ZNF582: variants seen among roughly 807,000 people sequenced by gnomAD.
ZNF582 encodes the protein zinc finger protein 582.
ZNF582 carries 14 observed loss-of-function variants against 12.3 expected under a neutral mutation model. The ratio of observed to expected loss-of-function variants is 1.14; its 90% CI spans 0.75 to 1.78. The LOEUF is 1.78. Among genes scored for constraint, ZNF582 ranks in the 40% most tolerant of loss-of-function variants. The probability of loss-of-function intolerance (pLI) is 0.00; values close to 1 mark genes in which losing one functional copy is unlikely to be tolerated. For synonymous variants in ZNF582, 210 were observed against 207.2 expected, an observed-to-expected ratio of 1.01 and a Z score of -0.11; for missense variants, 567 against 616.5, an observed-to-expected ratio of 0.92 and a Z score of 0.85.
At chr19:56,390,705 A>T (rs1776556521) in intron 2 of ZNF582, among the ~76,000 whole-genome samples, 1 of 152,204 alleles carries the variant, frequency 6.6e-6, no homozygotes, top group African/African-American at 2.4e-5. Context: ...ACTGCAAATC[A>T]ATGCTCTGTG....
intron 4 of ZNF582, among the ~76,000 whole-genome samples, chr19:56,389,064 T>C (rs2041994436): frequency 6.6e-6 from 1 of 152,224 alleles, no homozygotes; most frequent in Non-Finnish European, 1.5e-5. Context: ...ACACCTTCCA[T>C]GTCTCAGCTG....
In ZNF582 at chr19:56,384,103, CAATT is replaced by C; in HGVS notation, c.1310_1313del (p.Gln437ArgfsTer23). The C allele has an allele frequency of 1.2e-6, 2 of 1,611,862 alleles. No homozygotes were observed. The highest frequency in any genetic ancestry group is 1.7e-6 in the Non-Finnish European group (2 of 1,179,026). ...CAGTGTGAATAACCTGATGATGAAT[CAATT>C]GTGAGCAATGACTAAAAGCCTTCCC... On this transcript the variant is annotated frameshift_variant, in exon 5 of 5. Coordinates refer to ENST00000586929, the Ensembl canonical transcript of ZNF582. LOFTEE classifies it low-confidence loss of function (END_TRUNC).
At chr19:56,391,354 C>G (rs931246109) in intron 2 of ZNF582, among the ~76,000 whole-genome samples, 1 of 152,198 alleles carries the variant, frequency 6.6e-6, no homozygotes, top group Non-Finnish European at 1.5e-5. Flanking sequence ...ATTACATATC[C>G]AATCATTAAT....
chr19:56,384,623 C>T, exon 5 of ZNF582: 3 of 1,614,102 alleles, frequency 1.9e-6, no homozygotes, highest in Non-Finnish European at 2.5e-6. Flanking sequence ...TGAGCTTCGA[C>T]TAAAGGCCTT....
chr19:56,388,917 C>T (rs557746348), intron 4 of ZNF582, among the ~76,000 whole-genome samples: 3 of 152,264 alleles, frequency 2.0e-5, no homozygotes, highest in Admixed American at 6.5e-5. Flanking sequence ...ATGCCCGGCC[C>T]CTAGTGTATC....
At chr19:56,393,485 G>A (rs758020613) in exon 1 of ZNF582, 3 of 511,254 alleles carry the variant, frequency 5.9e-6, no homozygotes, top group South Asian at 2.9e-5. Flanking sequence ...CCGCGCCCCC[G>A]GCAGCCCAGG....
chr19:56,393,353 T>C, exon 1 of ZNF582: 1 of 988,846 alleles, frequency 1.0e-6, no homozygotes, highest in Non-Finnish European at 1.4e-6. Flanking sequence ...GCGAGACGTC[T>C]GCGTTCTTCT....
intron 1 of ZNF582, 134 bp downstream of exon 1, chr19:56,393,086 T>A (rs2042029812): frequency 1.4e-6 from 1 of 696,776 alleles, no homozygotes; most frequent in African/African-American, 1.9e-5. Context: ...TTCTAAGTCT[T>A]CTGGGGTCTT....
intron 4 of ZNF582, among the ~76,000 whole-genome samples, chr19:56,385,633 C>T (rs1389588984): frequency 2.7e-5 from 4 of 149,822 alleles, no homozygotes; most frequent in Admixed American, 6.6e-5. Flanking sequence ...GCTATGATCA[C>T]GCCAATGCAC....
At chr19:56,393,258 A>T (rs761725356) in exon 1 of ZNF582, 3 of 1,245,982 alleles carry the variant, frequency 2.4e-6, no homozygotes, top group Non-Finnish European at 3.1e-6. Context: ...GGCTGGAAGC[A>T]GAAAGGGGGC....
At chr19:56,391,959 G>T in intron 1 of ZNF582, 127 bp from the exon 2 acceptor site, 1 of 734,356 alleles carries the variant, frequency 1.4e-6, no homozygotes, top group Non-Finnish European at 2.2e-6. Flanking sequence ...GAGGCAAAGG[G>T]ATCCTCACCC....
chr19:56,390,527 ATATG>A (rs746832086), intron 2 of ZNF582, 26 bp from the exon 3 acceptor site: 14 of 1,613,180 alleles, frequency 8.7e-6, no homozygotes, highest in African/African-American at 1.3e-5. Flanking sequence ...TGTATGATAT[ATATG>A]TATTTCAATG....
chr19:56,384,865 T>A, exon 5 of ZNF582: 2 of 1,610,390 alleles, frequency 1.2e-6, no homozygotes, highest in Non-Finnish European at 1.7e-6. Flanking sequence ...TAATAAGGAG[T>A]TCCTTTTGCC....
chr19:56,384,335 T>A, exon 5 of ZNF582: 1 of 1,613,904 alleles, frequency 6.2e-7, no homozygotes, highest in Non-Finnish European at 8.5e-7. Context: ...CTCACCGGTA[T>A]GAATTCTCTG....
At chr19:56,387,251 A>C (rs1306048289) in intron 4 of ZNF582, among the ~76,000 whole-genome samples, 1 of 152,200 alleles carries the variant, frequency 6.6e-6, no homozygotes, top group Non-Finnish European at 1.5e-5. Flanking sequence ...AACATTGGTC[A>C]TTTATTCAAC....
At chr19:56,388,334 T>C (rs1023517884) in intron 4 of ZNF582, 5 of 152,208 alleles carry the variant, frequency 3.3e-5, no homozygotes, top group South Asian at 2.1e-4. Flanking sequence ...CCATATGATA[T>C]AAATGAAGAA....
rs577364960 is a variant in ZNF582, at chr19:56,386,871, T to C, written c.233-1687A>G. On this transcript the variant is annotated intron_variant, in intron 4 of 4. Coordinates refer to ENST00000586929, the Ensembl canonical transcript of ZNF582. ...CCTCAAAGTACTTTTTGCTGAGAAT[T>C]TGATTCTGTCCTAATTTGCTGAATC... 1.4e-4 allele frequency among the ~76,000 whole-genome samples: 21 copies of C among 152,376 alleles called. 2 individuals are homozygous for C. In the South Asian group the frequency reaches 4.1e-3, roughly 30 times the overall value.
intron 2 of ZNF582, among the ~76,000 whole-genome samples, chr19:56,391,488 C>T (rs778011143): frequency 6.6e-6 from 1 of 152,176 alleles, no homozygotes; most frequent in Non-Finnish European, 1.5e-5. Context: ...TCAGTTCTTA[C>T]AAAGGATGCT....
At chr19:56,386,593 C>G (rs2041967836) in intron 4 of ZNF582, 1 of 152,238 alleles carries the variant, frequency 6.6e-6, no homozygotes, top group Non-Finnish European at 1.5e-5. Flanking sequence ...TGTGATTCTA[C>G]CTGGTACATT....
Sources: gnomAD v4.1 joint callset for allele counts (sites outside exome capture counted in the v4.1 genomes callset) on GRCh38, gnomAD v4.1.1 for gene constraint, MANE v1.5 for transcripts, NCBI Gene and HGNC (gene_info 2026-07-23, HGNC 2026-07-21) for gene names.